CLPX: variants seen among roughly 807,000 people sequenced by gnomAD.
CLPX encodes the protein caseinolytic mitochondrial matrix peptidase chaperone subunit X.
Under a neutral mutation model 76.4 loss-of-function variants are expected in CLPX, and 34 were observed. That is an observed-to-expected ratio of 0.45 (90% CI 0.34 to 0.59). The LOEUF (loss-of-function observed/expected upper bound fraction) is 0.59, where lower values mean the gene tolerates loss of function less well. CLPX is among the 20% of genes least tolerant of loss of function. The probability of loss-of-function intolerance (pLI) is 0.01; values close to 1 mark genes in which losing one functional copy is unlikely to be tolerated. For synonymous variants in CLPX, 248 were observed against 270.9 expected (o/e 0.92, Z 0.83); for missense variants, 613 against 757.0 (o/e 0.81, Z 2.23).
chr15:65,154,027 G>C (rs1339944007), intron 11 of CLPX, among the ~76,000 whole-genome samples: 1 of 152,144 alleles, frequency 6.6e-6, no homozygotes, highest in African/African-American at 2.4e-5. Context: ...AGCAGCAAAG[G>C]GGGAGACATC....
rs1414855951 is a variant in CLPX at position 65,149,626 on chromosome 15, C to G, written c.*1197G>C. The G allele has an allele frequency of 1.1e-5, 5 of 438,674 alleles. No homozygotes were observed. The highest frequency in any genetic ancestry group is 1.8e-5 in the Non-Finnish European group (4 of 221,188). The allele number at this position is 438,674 out of a possible 1,614,324, so 27.2% of individuals were successfully genotyped here. ...CCTGCAATCCCAGCACTTTGGGAGGCTGAGGCCAGCAGATCACAAGGTCAG... is the reference window on the plus strand; with the variant it reads ...CCTGCAATCCCAGCACTTTGGGAGGGTGAGGCCAGCAGATCACAAGGTCAG... On this transcript the variant is annotated 3_prime_UTR_variant, in exon 14 of 14. Transcript: ENST00000300107.
intron 4 of CLPX, 41 bp from the exon 5 acceptor site, chr15:65,164,229 T>C (rs746886686): frequency 1.9e-5 from 28 of 1,502,218 alleles, no homozygotes; most frequent in Non-Finnish European, 2.5e-5. Flanking sequence ...TATGAGCTAT[T>C]ATAAGAGCAC....
intron 3 of CLPX, among the ~76,000 whole-genome samples, chr15:65,174,958 TA>T (rs548528140): frequency 7.2e-5 from 11 of 152,234 alleles, no homozygotes; most frequent in South Asian, 4.1e-4. Flanking sequence ...ATTTATACTT[TA>T]AAAAAAATCA....
At chr15:65,152,386 C>T in intron 13 of CLPX, 44 bp downstream of exon 13, 1 of 811,240 alleles carries the variant, frequency 1.2e-6, no homozygotes, top group Non-Finnish European at 1.9e-6. Context: ...ATGAGGAGCT[C>T]ATCTTAAATT....
Position 65,166,706 on chromosome 15 carries a change from T to C in CLPX, c.438A>G (p.Ile146Met), listed in dbSNP as rs2087919024. 6.2e-7 allele frequency: 1 copy of C among 1,614,144 alleles called. No individual in the cohort carries two copies. Among genetic ancestry groups the C allele is most frequent in the Non-Finnish European group, 8.5e-7 (1 of 1,180,010 alleles). The part of the protein sequence containing the change: ...VLSEADSKKS[I>M]IKEPESAAEA... The stretch of plus-strand genomic sequence containing the variant: ...CTGCTGCTGATTCAGGTTCTTTAAT[T>C]ATGCTTTTCTTTGAGTCTGCTTCAG... The change falls in exon 4 of 14, where the codon ATA becomes ATG. Residue 146 changes from isoleucine to methionine, a missense_variant. Coordinates refer to ENST00000300107, the MANE Select transcript of CLPX (RefSeq NM_006660.5).
At chr15:65,173,037 G>A (rs951798942) in intron 3 of CLPX, among the ~76,000 whole-genome samples, 4 of 152,004 alleles carry the variant, frequency 2.6e-5, no homozygotes, top group African/African-American at 9.7e-5. Flanking sequence ...AAAACCAAAA[G>A]AAGCCCATGA....
intron 3 of CLPX, among the ~76,000 whole-genome samples, chr15:65,168,204 T>C (rs1313661998): frequency 6.7e-6 from 1 of 150,322 alleles, no homozygotes; most frequent in Non-Finnish European, 1.5e-5. Flanking sequence ...GCTAACACGG[T>C]AAAACCCTGT....
rs545341725 is a variant in CLPX at position 65,149,650 on chromosome 15, A to G, written c.*1173T>C. 183 of 413,058 alleles carry G rather than the reference A, an allele frequency of 4.4e-4. 3 individuals carry two copies. The highest frequency in any genetic ancestry group is 3.4e-3 in the Middle Eastern group (9 of 2,660). The allele number at this position is 413,058 out of a possible 1,614,324, so 25.6% of individuals were successfully genotyped here. ...GCTGAGGCCAGCAGATCACAAGGTC[A>G]GGAGTTACAGACTAGCCTGGCCAAC... On this transcript the variant is annotated 3_prime_UTR_variant, in exon 14 of 14. Transcript: ENST00000300107.
intron 6 of CLPX, among the ~76,000 whole-genome samples, chr15:65,161,183 C>G (rs1404438908): frequency 6.6e-6 from 1 of 152,076 alleles, no homozygotes; most frequent in Non-Finnish European, 1.5e-5. Flanking sequence ...ACAACACAGC[C>G]CTTAAACGCA....
rs1431616061 is a variant in CLPX at position 65,154,655 on chromosome 15, A to G, written c.1611+127T>C. On this transcript the variant is annotated intron_variant, in intron 11 of 13. Coordinates refer to ENST00000300107, the MANE Select transcript of CLPX (RefSeq NM_006660.5). ...TATGCCTTCCTTGATTCCTAGATCC[A>G]TATTTAGTAAGGAATAGGCTGGTAT... The G allele has an allele frequency of 2.2e-5, 15 of 668,830 alleles. 1 individual carries two copies. The Admixed American group carries it at 2.7e-4, about 12-fold the overall frequency. 41.4% of individuals were successfully genotyped at this position (668,830 alleles called of 1,614,324 possible). A position where few individuals can be genotyped will look rare whatever the true frequency, so the allele number is the denominator to read the frequency against.
intron 4 of CLPX, 23 bp downstream of exon 4, chr15:65,166,608 A>C (rs767407032): frequency 2.5e-5 from 41 of 1,609,722 alleles, no homozygotes; most frequent in Non-Finnish European, 3.1e-5. Context: ...AAATACTTGT[A>C]AGACTGAGCT....
intron 4 of CLPX, 79 bp downstream of exon 4, chr15:65,166,552 T>C: frequency 7.1e-7 from 1 of 1,403,530 alleles, no homozygotes; most frequent in Non-Finnish European, 1.0e-6. Context: ...GTATTAGGAT[T>C]CAGTGTAAAC....
At chr15:65,153,732 G>A (rs2087753816) in intron 11 of CLPX, 93 bp from the exon 12 acceptor site, 2 of 666,968 alleles carry the variant, frequency 3.0e-6, no homozygotes, top group Non-Finnish European at 2.4e-6. Flanking sequence ...TTCTCATGGT[G>A]TTTTGGAACC....
At chr15:65,166,491 T>C in intron 4 of CLPX, 140 bp downstream of exon 4, 1 of 859,762 alleles carries the variant, frequency 1.2e-6, no homozygotes, top group Non-Finnish European at 1.8e-6. Context: ...CAATAACAAT[T>C]TAGCCACATA....
chr15:65,183,364 G>A (rs1343116288), intron 1 of CLPX, among the ~76,000 whole-genome samples: 6 of 150,602 alleles, frequency 4.0e-5, no homozygotes, highest in Non-Finnish European at 7.4e-5. Context: ...GGGAGGCTGA[G>A]GCAGGAGAAT....
At chr15:65,174,437 G>C (rs1419275499) in intron 3 of CLPX, among the ~76,000 whole-genome samples, 1 of 151,494 alleles carries the variant, frequency 6.6e-6, no homozygotes, top group Admixed American at 6.6e-5. Context: ...GCTAATTTTT[G>C]TGTTTTTAGT....
chr15:65,163,311 G>A (rs1300516586), intron 5 of CLPX, among the ~76,000 whole-genome samples: 1 of 152,174 alleles, frequency 6.6e-6, no homozygotes, highest in Non-Finnish European at 1.5e-5. Flanking sequence ...GTTATGTGAT[G>A]TAAGTTCAGC....
At chr15:65,179,093 T>C in intron 2 of CLPX, 42 bp from the exon 3 acceptor site, 4 of 1,206,188 alleles carry the variant, frequency 3.3e-6, no homozygotes, top group Non-Finnish European at 3.7e-6. Context: ...TGTCAATTAT[T>C]AGTTTCAGGC....
At chr15:65,171,653 A>C (rs947685161) in intron 3 of CLPX, among the ~76,000 whole-genome samples, 1 of 152,208 alleles carries the variant, frequency 6.6e-6, no homozygotes, top group Non-Finnish European at 1.5e-5. Flanking sequence ...TATAATGATG[A>C]GGCACTAGTT....
Sources: gnomAD v4.1 joint callset for allele counts (sites outside exome capture counted in the v4.1 genomes callset) on GRCh38, gnomAD v4.1.1 for gene constraint, MANE v1.5 for transcripts, NCBI Gene and HGNC (gene_info 2026-07-23, HGNC 2026-07-21) for gene names.